NSMF: variants seen among roughly 807,000 people sequenced by gnomAD.
NSMF encodes the protein NMDA receptor synaptonuclear signaling and neuronal migration factor.
In NSMF, 31 loss-of-function variants were observed where a neutral mutation model predicts 71.0. The ratio of observed to expected loss-of-function variants is 0.44; its 90% CI spans 0.33 to 0.59. The LOEUF is 0.59. Among genes scored for constraint, NSMF ranks in the 20% least tolerant of loss-of-function variants. The probability of loss-of-function intolerance (pLI) is 0.04; values close to 1 mark genes in which losing one functional copy is unlikely to be tolerated. For synonymous variants in NSMF, 345 were observed against 287.1 expected (o/e 1.20, Z -2.04); for missense variants, 673 against 740.5 (o/e 0.91, Z 1.06).
rs372063291 is a variant in NSMF at position 137,449,450 on chromosome 9, G to A, written c.1537C>T (p.Arg513Cys). The change falls in exon 16 of 16, where the codon CGC (arginine) becomes TGC (cysteine). Residue 513 changes from arginine (R) to cysteine (C), a missense_variant. Coordinates refer to ENST00000371475, the MANE Select transcript of NSMF (RefSeq NM_001130969.3). Reference protein sequence around the residue: ...IETYFDFRLYRLWKSRQHSKL... With the variant: ...IETYFDFRLYCLWKSRQHSKL... ...GAGTGCTGGCGGCTCTTCCACAGGC[G>A]ATACAACCGGAAGTCAAAGTACGTC... is the stretch of plus-strand genomic sequence containing the variant. The A allele has an allele frequency of 6.8e-6, 11 of 1,612,802 alleles. No homozygotes were observed. Among genetic ancestry groups the A allele is most frequent in the Admixed American group, 1.7e-5 (1 of 60,000 alleles).
chr9:137,448,983 G>A lies in NSMF; in HGVS notation c.*411C>T, dbSNP rs972554462. On this transcript the variant is annotated 3_prime_UTR_variant, in exon 16 of 16. Transcript: ENST00000371475. This position sits in a 1 kb window ranked among gnomAD's most constrained non-coding sequence, Gnocchi z 5.3. Reference sequence around the variant, plus strand: ...ATGTGGGCTGCTGGGCTGCTGGGCCGGGGTGCCTACACTGTAACTAGCAGC... The same window carrying A: ...ATGTGGGCTGCTGGGCTGCTGGGCCAGGGTGCCTACACTGTAACTAGCAGC... 9.3e-6 allele frequency: 3 copies of A among 324,114 alleles called. No homozygotes were observed. Among genetic ancestry groups the A allele is most frequent in the Non-Finnish European group, 1.2e-5 (2 of 166,074 alleles). 20.1% of individuals were successfully genotyped at this position (324,114 alleles called of 1,614,324 possible). A position where few individuals can be genotyped will look rare whatever the true frequency, so the allele number is the denominator to read the frequency against.
In NSMF at chr9:137,459,023, C is replaced by T. The variant is rs587781103; in HGVS notation, c.71+9G>A. The stretch of plus-strand genomic sequence containing the variant: ...GCGGGGTGCGGGAAGGCGGCCCCGC[C>T]GCACTCACCGCACTTTGGCCGCCAC... On this transcript the variant is annotated intron_variant, in intron 1 of 15. Coordinates refer to ENST00000371475, the MANE Select transcript of NSMF (RefSeq NM_001130969.3). 2.7e-3 allele frequency: 3,521 copies of T among 1,280,446 alleles called. 4 individuals are homozygous for T. The highest frequency in any genetic ancestry group is 3.3e-3 in the Non-Finnish European group (3,323 of 1,015,048). 79.3% of individuals were successfully genotyped at this position (1,280,446 alleles called of 1,614,324 possible).
chr9:137,456,110 G>C (rs1193737963), intron 4 of NSMF, among the ~76,000 whole-genome samples: 5 of 152,348 alleles, frequency 3.3e-5, no homozygotes, highest in Admixed American at 3.3e-4. Flanking sequence ...CACAGGCTGA[G>C]GAGAGTGGAT....
intron 13 of NSMF, 32 bp from the exon 14 acceptor site, chr9:137,450,057 G>A (rs746785815): frequency 1.2e-6 from 2 of 1,600,210 alleles, no homozygotes; most frequent in African/African-American, 2.7e-5. Flanking sequence ...CCCAGTGGCA[G>A]GGGACAGGCA....
rs147695659 is a variant in NSMF, at chr9:137,456,477, G to A, written c.638C>T (p.Pro213Leu). Residue 213 changes from proline to leucine, a missense_variant, in exon 4 of 16, where the codon CCT becomes CTT. By Grantham distance (98) the Pro-to-Leu change is moderately conservative. Coordinates refer to ENST00000371475, the MANE Select transcript of NSMF (RefSeq NM_001130969.3). ...TTCCTTGGGGAACCAGGTACGAATAGGGATGTCGTCTAAGAGAGACAAAAA... is the reference window on the plus strand; with the variant it reads ...TTCCTTGGGGAACCAGGTACGAATAAGGATGTCGTCTAAGAGAGACAAAAA... The part of the protein sequence containing the change: ...YSVDRVSDDI[P>L]IRTWFPKENL... 150 of 1,611,800 alleles carry A rather than the reference G, an allele frequency of 9.3e-5. No individual in the cohort carries two copies. The highest frequency in any genetic ancestry group is 1.2e-4 in the Non-Finnish European group (141 of 1,178,466).
intron 1 of NSMF, among the ~76,000 whole-genome samples, 156 bp downstream of exon 1, chr9:137,458,876 G>A (rs1369352566): frequency 6.6e-6 from 1 of 152,166 alleles, no homozygotes; most frequent in Non-Finnish European, 1.5e-5. Context: ...GAGCAGGGCA[G>A]GGGACCAGGA....
rs1199611665 is a variant in NSMF at position 137,448,806 on chromosome 9, G to A, written c.*588C>T. The A allele has an allele frequency of 6.0e-6, 1 of 165,448 alleles. No individual in the cohort carries two copies. Among genetic ancestry groups the A allele is most frequent in the Non-Finnish European group, 1.3e-5 (1 of 75,120 alleles). The allele number at this position is 165,448 out of a possible 1,614,324, so 10.2% of individuals were successfully genotyped here. A position where few individuals can be genotyped will look rare whatever the true frequency, so the allele number is the denominator to read the frequency against. On this transcript the variant is annotated 3_prime_UTR_variant, in exon 16 of 16. Coordinates refer to ENST00000371475, the MANE Select transcript of NSMF (RefSeq NM_001130969.3). The surrounding 1 kb of genome is among the most constrained non-coding windows in gnomAD (Gnocchi z 5.3). ...GTAAGTGAAAGCACAGACAGTCGGA[G>A]ACTCGGCCAGTGTAGACAGACCCAG...
In NSMF at chr9:137,449,088, G is replaced by A; in HGVS notation, c.*306C>T. The stretch of plus-strand genomic sequence containing the variant: ...GTGTAGAAATTGCACTTATTTCTAT[G>A]AACCCCATGGAGGGATGCCCACAGC... On this transcript the variant is annotated 3_prime_UTR_variant, in exon 16 of 16. Coordinates refer to ENST00000371475, the MANE Select transcript of NSMF (RefSeq NM_001130969.3). The A allele has an allele frequency of 1.9e-6, 1 of 532,548 alleles. No individual in the cohort carries two copies. The highest frequency in any genetic ancestry group is 3.4e-6 in the Non-Finnish European group (1 of 293,246). The allele number at this position is 532,548 out of a possible 1,614,324, so 33.0% of individuals were successfully genotyped here. A position where few individuals can be genotyped will look rare whatever the true frequency, so the allele number is the denominator to read the frequency against.
rs1219131952 is a variant in NSMF at position 137,448,862 on chromosome 9, G to A, written c.*532C>T. On this transcript the variant is annotated 3_prime_UTR_variant, in exon 16 of 16. Coordinates refer to ENST00000371475, the MANE Select transcript of NSMF (RefSeq NM_001130969.3). This position sits in a 1 kb window ranked among gnomAD's most constrained non-coding sequence, Gnocchi z 5.3. ...CGGCCAGTGTAGACAGAGCCAGGCTGGGCAGCCCGGCGACGCTGGCCCCAC... is the reference window on the plus strand; with the variant it reads ...CGGCCAGTGTAGACAGAGCCAGGCTAGGCAGCCCGGCGACGCTGGCCCCAC... 1 of 228,562 alleles carries A rather than the reference G, an allele frequency of 4.4e-6. No homozygotes were observed. Among genetic ancestry groups the A allele is most frequent in the Non-Finnish European group, 8.8e-6 (1 of 113,120 alleles). The allele number at this position is 228,562 out of a possible 1,614,324, so 14.2% of individuals were successfully genotyped here. A position where few individuals can be genotyped will look rare whatever the true frequency, so the allele number is the denominator to read the frequency against.
intron 1 of NSMF, 152 bp from the exon 2 acceptor site, chr9:137,458,701 G>C (rs1436984634): frequency 2.5e-6 from 2 of 802,150 alleles, no homozygotes; most frequent in Non-Finnish European, 4.2e-6. Flanking sequence ...ACACACCCTT[G>C]GTCCTGGTGC....
rs1197158560 is a variant in NSMF at position 137,453,847 on chromosome 9, G to T, written c.833-27C>A. Reference sequence around the variant, plus strand: ...TGCAGAGAGCAAAACCCGCATTAGCGAGCGGGTGGGGCGGGGCCTCGGGAG... The same window carrying T: ...TGCAGAGAGCAAAACCCGCATTAGCTAGCGGGTGGGGCGGGGCCTCGGGAG... On this transcript the variant is annotated intron_variant, in intron 7 of 15. Transcript: ENST00000371475. This position sits in a 1 kb window ranked among gnomAD's most constrained non-coding sequence, Gnocchi z 4.5. 1.6e-5 allele frequency: 25 copies of T among 1,554,820 alleles called. No individual in the cohort carries two copies. Among genetic ancestry groups the T allele is most frequent in the Non-Finnish European group, 2.1e-5 (24 of 1,155,510 alleles).
At chr9:137,452,518 G>A (rs1189739333) in intron 11 of NSMF, 35 bp downstream of exon 11, 26 of 1,612,390 alleles carry the variant, frequency 1.6e-5, no homozygotes, top group African/African-American at 4.0e-5. Flanking sequence ...TCCCAGGCCT[G>A]GAACCAGCAG....
Position 137,449,752 on chromosome 9 carries a change from C to T in NSMF, c.1420-78G>A, listed in dbSNP as rs41309970. 0.32 allele frequency: 443,385 copies of T among 1,392,130 alleles called. 74,795 individuals are homozygous for T. Among genetic ancestry groups the T allele is most frequent in the Non-Finnish European group, 0.34 (341,203 of 992,712 alleles). The allele number at this position is 1,392,130 out of a possible 1,614,324, so 86.2% of individuals were successfully genotyped here. On this transcript the variant is annotated intron_variant, in intron 14 of 15. Transcript: ENST00000371475. ...GCGGGGAGGAGATGGGGAGCAGGGC[C>T]CACCCTCTTTTTTCAGACCCCCCAA...
chr9:137,457,893 G>C lies in NSMF; in HGVS notation c.142C>G (p.Leu48Val). The C allele has an allele frequency of 1.3e-6, 2 of 1,544,046 alleles. No homozygotes were observed. The highest frequency in any genetic ancestry group is 1.7e-6 in the Non-Finnish European group (2 of 1,148,808). The stretch of plus-strand genomic sequence containing the variant: ...TCGTGGCCAGAGTAGGCATCAGCCA[G>C]CAGGTGATCTAGGAGAGACACTGAG... ...PENRNGADHL[L>V]ADAYSGHDGS... Residue 48 changes from leucine (L) to valine (V), a missense_variant, in exon 3 of 16, where the codon CTG becomes GTG. Leu to Val is a conservative substitution (Grantham distance 32, BLOSUM62 1). Transcript: ENST00000371475.
chr9:137,454,017 G>A (rs1040411953), intron 7 of NSMF, among the ~76,000 whole-genome samples, 197 bp from the exon 8 acceptor site: 1 of 151,822 alleles, frequency 6.6e-6, no homozygotes, highest in Admixed American at 6.6e-5. Context: ...GGCAGGGCCA[G>A]AGGCGGAGTC....
rs1564267160 is a variant in NSMF, at chr9:137,456,497, C to T, written c.629-11G>A. 6.3e-7 allele frequency: 1 copy of T among 1,591,728 alleles called. No individual in the cohort carries two copies. The highest frequency in any genetic ancestry group is 1.1e-5 in the South Asian group (1 of 90,652). On this transcript the variant is annotated splice_polypyrimidine_tract_variant and intron_variant, in intron 3 of 15. Coordinates refer to ENST00000371475, the MANE Select transcript of NSMF (RefSeq NM_001130969.3). ...GAATAGGGATGTCGTCTAAGAGAGACAAAAAGGAGCGGTGGCTGGGTGAAG... is the reference window on the plus strand; with the variant it reads ...GAATAGGGATGTCGTCTAAGAGAGATAAAAAGGAGCGGTGGCTGGGTGAAG...
At chr9:137,457,254 G>C (rs1309179402) in intron 3 of NSMF, among the ~76,000 whole-genome samples, 153 bp downstream of exon 3, 4 of 152,204 alleles carry the variant, frequency 2.6e-5, no homozygotes, top group Non-Finnish European at 5.9e-5. Context: ...GGAGGCCGCA[G>C]CAGAAGCCTG....
At chr9:137,452,894 C>T in intron 9 of NSMF, 75 bp from the exon 10 acceptor site, 1 of 1,550,334 alleles carries the variant, frequency 6.5e-7, no homozygotes, top group Non-Finnish European at 8.8e-7. Context: ...CCCCATGAGG[C>T]TACCTTCTGG....
Position 137,457,683 on chromosome 9 carries a change from C to T in NSMF, c.352G>A (p.Ala118Thr), listed in dbSNP as rs1415589926. The change falls in exon 3 of 16, where the codon GCC becomes ACC. Residue 118 changes from alanine to threonine, a missense_variant. Physicochemically the swap from Ala to Thr is moderately conservative, Grantham distance 58. This residue lies in a region of NSMF where 471 missense variants were observed against 459.6 expected (regional missense o/e 1.02). Transcript: ENST00000371475. ...PALLPSPEAE[A>T]IELAVVKGRR... ...CCCTTCACCACCGCCAGCTCAATGG[C>T]CTCCGCCTCAGGGCTGGGCAGCAGG... 1.9e-6 allele frequency: 3 copies of T among 1,551,274 alleles called. No homozygotes were observed. Among genetic ancestry groups the T allele is most frequent in the Non-Finnish European group, 2.6e-6 (3 of 1,147,404 alleles).
Sources: gnomAD v4.1 joint callset for allele counts (sites outside exome capture counted in the v4.1 genomes callset) on GRCh38, gnomAD v4.1.1 for gene constraint, gnomAD v4.1.1 regional missense constraint, Gnocchi (gnomAD v3.1) non-coding constraint, MANE v1.5 for transcripts, NCBI Gene and HGNC (gene_info 2026-07-23, HGNC 2026-07-21) for gene names.